Variants in KCNN2 observed in about 807,000 individuals in gnomAD.
KCNN2 encodes the protein small conductance calcium-activated potassium channel protein 2.
Under a neutral mutation model 55.5 loss-of-function variants are expected in KCNN2, and 24 were observed. That is an observed-to-expected ratio of 0.43 (90% CI 0.31 to 0.61). KCNN2 has a LOEUF of 0.61. Among genes scored for constraint, KCNN2 ranks in the 20% least tolerant of loss-of-function variants. The pLI is 0.08. For synonymous variants in KCNN2, 431 were observed against 336.1 expected, an observed-to-expected ratio of 1.28 and a Z score of -3.09; for missense variants, 754 against 853.6, an observed-to-expected ratio of 0.88 and a Z score of 1.45.
intron 1 of KCNN2, among the ~76,000 whole-genome samples, chr5:114,130,196 A>T (rs1752043096): frequency 6.6e-6 from 1 of 152,006 alleles, no homozygotes; most frequent in Admixed American, 6.5e-5. Context: ...CAAGCTATTT[A>T]TTTTTTTCTT....
chr5:114,131,267 C>A (rs895360849), intron 1 of KCNN2, among the ~76,000 whole-genome samples: 1 of 152,102 alleles, frequency 6.6e-6, no homozygotes. Context: ...GCTGGTTTTC[C>A]TGATGCTCTT....
Position 114,362,955 on chromosome 5 carries a change from G to C in KCNN2, c.816G>C (p.Ser272=). ...SAAAAAAAAV[S]SSAPEIVVSK... Reference sequence around the variant, plus strand: ...CCGCTGCCGCCGCCGCCGCTGTTTCGTCCTCAGCCCCCGAGATCGTGGTGT... The same window carrying C: ...CCGCTGCCGCCGCCGCCGCTGTTTCCTCCTCAGCCCCCGAGATCGTGGTGT... The change falls in exon 1 of 8, where the codon TCG becomes TCC. Residue 272 remains serine (S), a synonymous_variant. Coordinates refer to ENST00000673685, the MANE Select transcript of KCNN2 (RefSeq NM_021614.4). 8 of 1,584,988 alleles carry C rather than the reference G, an allele frequency of 5.0e-6. No homozygotes were observed. Among genetic ancestry groups the C allele is most frequent in the Non-Finnish European group, 6.0e-6 (7 of 1,173,050 alleles).
In KCNN2 at chr5:114,404,785, A is replaced by G. The variant is rs781760326; in HGVS notation, c.1566A>G (p.Pro522=). The G allele has an allele frequency of 6.2e-7, 1 of 1,613,998 alleles. No homozygotes were observed. Residue 522 remains proline (P), a synonymous_variant, in exon 3 of 8, where the codon CCA becomes CCG. Coordinates refer to ENST00000673685, the MANE Select transcript of KCNN2 (RefSeq NM_021614.4). ...TGAAGACTTTAATGACTATATGCCC[A>G]GGAACTGTACTCTTGGTTTTTAGTA... ...FVMKTLMTIC[P]GTVLLVFSIS... is the part of the protein sequence containing the mutation.
intron 2 of KCNN2, among the ~76,000 whole-genome samples, chr5:114,334,260 ATG>A (rs56654295): frequency 0.13 from 18,264 of 137,780 alleles, 1,158 homozygotes; most frequent in African/African-American, 0.17. Flanking sequence ...CATATGCCTG[ATG>A]TGTGTGTGTG....
intron 1 of KCNN2, among the ~76,000 whole-genome samples, chr5:114,160,269 G>T (rs1029016619): frequency 6.6e-6 from 1 of 152,178 alleles, no homozygotes; most frequent in African/African-American, 2.4e-5. Flanking sequence ...GTACGCCATA[G>T]TCGTTCAGGA....
intron 2 of KCNN2, among the ~76,000 whole-genome samples, chr5:114,368,701 G>A (rs1757675703): frequency 6.6e-6 from 1 of 152,172 alleles, no homozygotes; most frequent in Non-Finnish European, 1.5e-5. Context: ...AGAATAAAAA[G>A]TGAAAGTCGC....
intron 2 of KCNN2, among the ~76,000 whole-genome samples, chr5:114,262,423 A>G (rs1245970511): frequency 6.6e-6 from 1 of 152,232 alleles, no homozygotes; most frequent in Non-Finnish European, 1.5e-5. Context: ...TGACTTCTAA[A>G]GTTTATGTAA....
chr5:114,437,376 T>G (rs1580834201), intron 3 of KCNN2, among the ~76,000 whole-genome samples: 1 of 152,180 alleles, frequency 6.6e-6, no homozygotes, highest in Non-Finnish European at 1.5e-5. Flanking sequence ...ATGCAAGTGT[T>G]ATTTATTGAC....
At chr5:114,146,150 AC>A in intron 1 of KCNN2, among the ~76,000 whole-genome samples, 1 of 152,202 alleles carries the variant, frequency 6.6e-6, no homozygotes, top group South Asian at 2.1e-4. Context: ...TACTTCCCTT[AC>A]TTGGTTTATT....
intron 1 of KCNN2, among the ~76,000 whole-genome samples, chr5:114,111,526 TC>T (rs1751597262): frequency 6.6e-6 from 1 of 152,000 alleles, no homozygotes. Context: ...AAATAAACTA[TC>T]ATCAGAGTGA....
chr5:114,238,928 T>C (rs1286906768), intron 2 of KCNN2, among the ~76,000 whole-genome samples: 1 of 152,218 alleles, frequency 6.6e-6, no homozygotes, highest in Non-Finnish European at 1.5e-5. Context: ...TTGAGCTTGA[T>C]GATAATGTCT....
At chr5:114,390,270 T>C (rs1350090970) in intron 2 of KCNN2, among the ~76,000 whole-genome samples, 2 of 152,194 alleles carry the variant, frequency 1.3e-5, no homozygotes, top group East Asian at 3.8e-4. Flanking sequence ...TTATTTATGA[T>C]TGGTTCCCCA....
intron 1 of KCNN2, among the ~76,000 whole-genome samples, chr5:114,189,291 G>T (rs1386908069): frequency 6.6e-6 from 1 of 152,090 alleles, no homozygotes; most frequent in East Asian, 1.9e-4. Context: ...TGTGTACAAA[G>T]GCCTGAGAAC....
intron 2 of KCNN2, among the ~76,000 whole-genome samples, chr5:114,312,414 CACACACACACACACACACACATAT>C (rs1384480542): frequency 1.1e-4 from 8 of 75,200 alleles, no homozygotes; most frequent in African/African-American, 4.5e-4. Flanking sequence ...CACACACACA[CACACACACACACACACACACATAT>C]ATATATATAT....
At chr5:114,325,410 C>T (rs1006765538) in intron 2 of KCNN2, among the ~76,000 whole-genome samples, 16 of 152,160 alleles carry the variant, frequency 1.1e-4, no homozygotes, top group African/African-American at 3.9e-4. Flanking sequence ...GTCAGAAAAG[C>T]ATCCATTAGA....
intron 2 of KCNN2, among the ~76,000 whole-genome samples, chr5:114,276,499 G>C (rs1194773796): frequency 1.3e-5 from 2 of 152,110 alleles, no homozygotes; most frequent in African/African-American, 4.8e-5. Context: ...TTTGCTTTAT[G>C]AATCTGGGTG....
chr5:114,075,818 A>T (rs1010806851), intron 1 of KCNN2, among the ~76,000 whole-genome samples: 27 of 152,174 alleles, frequency 1.8e-4, no homozygotes, highest in Admixed American at 7.2e-4. Context: ...CCATGCTGCT[A>T]CTTCTATGTT....
At chr5:114,289,303 C>A (rs1382120490) in intron 2 of KCNN2, among the ~76,000 whole-genome samples, 1 of 151,070 alleles carries the variant, frequency 6.6e-6, no homozygotes, top group Non-Finnish European at 1.5e-5. Flanking sequence ...TTTTCAAGAT[C>A]ATTTTGGCTG....
At chr5:114,202,351 T>C (rs1201360513) in intron 1 of KCNN2, among the ~76,000 whole-genome samples, 2 of 152,076 alleles carry the variant, frequency 1.3e-5, no homozygotes, top group East Asian at 3.9e-4. Context: ...CATAAGACTT[T>C]ACCTATATTT....
Sources: allele counts gnomAD v4.1 joint callset (sites outside exome capture counted in the v4.1 genomes callset), GRCh38; gene constraint gnomAD v4.1.1; transcripts MANE v1.5; gene names NCBI Gene and HGNC (gene_info 2026-07-23, HGNC 2026-07-21).